IGSF3: variants seen among roughly 807,000 people sequenced by gnomAD.
IGSF3 encodes glu-Trp-Ile EWI motif-containing protein 3.
A neutral mutation model predicts 114.4 loss-of-function variants in IGSF3; 23 were observed. That is an observed-to-expected ratio of 0.20 (90% CI 0.14 to 0.28). The LOEUF is 0.28. Ranked by LOEUF, IGSF3 falls within the 10% of genes least tolerant of loss-of-function variation. The pLI is 1.00. For synonymous variants in IGSF3, 571 were observed against 645.2 expected (o/e 0.88, Z 1.74); for missense variants, 1,172 against 1,591.5 (o/e 0.74, Z 4.48).
chr1:116,587,143 A>C (rs1659882730), intron 8 of IGSF3, among the ~76,000 whole-genome samples: 1 of 152,216 alleles, frequency 6.6e-6, no homozygotes, highest in South Asian at 2.1e-4. Context: ...GCAATAGTGA[A>C]GAAAACCAAG....
chr1:116,613,600 A>G (rs538482754), intron 4 of IGSF3, among the ~76,000 whole-genome samples, 165 bp downstream of exon 4: 17 of 152,344 alleles, frequency 1.1e-4, no homozygotes, highest in African/African-American at 3.8e-4. Context: ...TATGTCCCAC[A>G]CATCCCTCAG....
chr1:116,663,243 C>T (rs114317488), intron 2 of IGSF3, among the ~76,000 whole-genome samples: 200 of 152,304 alleles, frequency 1.3e-3, no homozygotes, highest in African/African-American at 4.5e-3. Context: ...CCTGTTCTTA[C>T]AGACACAAAT....
chr1:116,608,094 C>A lies in IGSF3; in HGVS notation c.1070G>T (p.Ser357Ile). Residue 357 changes from serine to isoleucine, a missense_variant, in exon 5 of 11, where the codon AGT becomes ATT. By Grantham distance (142) the Ser-to-Ile change is moderately radical (BLOSUM62 -2). Around this residue, in one of 3 missense-constraint regions of IGSF3, gnomAD observed 736 missense variants for 1,042.0 expected, o/e 0.71. Transcript: ENST00000369486. ...GTGGTAGATCTTCAGCACAAAGACACTGTCGCTCTCTTTGGCCACCTTAAG... is the reference window on the plus strand; with the variant it reads ...GTGGTAGATCTTCAGCACAAAGACAATGTCGCTCTCTTTGGCCACCTTAAG... ...GQLKVAKESD[S>I]VFVLKIYHLR... is the part of the protein sequence containing the mutation. 2 of 1,613,980 alleles carry A rather than the reference C, an allele frequency of 1.2e-6. No individual in the cohort carries two copies.
chr1:116,591,601 AAG>A (rs1328182381), intron 7 of IGSF3, among the ~76,000 whole-genome samples: 1 of 152,232 alleles, frequency 6.6e-6, no homozygotes, highest in African/African-American at 2.4e-5. Flanking sequence ...AGAAGCTTGA[AAG>A]AGAGGCATTT....
rs527917747 is a variant in IGSF3 at position 116,664,027 on chromosome 1, T to G, written c.43+2257A>C. Among the ~76,000 whole-genome samples, 1 of 151,992 alleles carries G rather than the reference T, an allele frequency of 6.6e-6. No homozygotes were observed. The highest frequency in any genetic ancestry group is 2.4e-5 in the African/African-American group (1 of 41,432). On this transcript the variant is annotated intron_variant, in intron 2 of 10. Transcript: ENST00000369486. This position sits in a 1 kb window ranked among gnomAD's most constrained non-coding sequence, Gnocchi z 4.6. ...GCAGGAAATAAGACCCCAACATGGG[T>G]TTTGCTCCCTCCCCAAACGCCTTCT...
At position 116,628,733 on chromosome 1, in the gene IGSF3, T is replaced by A. The variant is rs1217479563; in HGVS notation, c.44-12276A>T. On this transcript the variant is annotated intron_variant, in intron 2 of 10. Coordinates refer to ENST00000369486, the MANE Select transcript of IGSF3 (RefSeq NM_001007237.3). The surrounding 1 kb of genome is among the most constrained non-coding windows in gnomAD (Gnocchi z 4.2). ...TATGATAATAATGGATGGCCGCTCC[T>A]TCCCCCTCAGCTTTGACTTTCATTG... Among the ~76,000 whole-genome samples, 1 of 152,256 alleles carries A rather than the reference T, an allele frequency of 6.6e-6. No individual in the cohort carries two copies. Among genetic ancestry groups the A allele is most frequent in the Non-Finnish European group, 1.5e-5 (1 of 68,044 alleles).
chr1:116,622,844 T>TTA (rs1661463784), intron 2 of IGSF3, among the ~76,000 whole-genome samples: 1 of 152,218 alleles, frequency 6.6e-6, no homozygotes, highest in African/African-American at 2.4e-5. Flanking sequence ...TGGCTCACAC[T>TTA]AAATGTGCTC....
chr1:116,620,007 C>A (rs919177954), intron 2 of IGSF3, among the ~76,000 whole-genome samples: 1 of 151,512 alleles, frequency 6.6e-6, no homozygotes, highest in African/African-American at 2.4e-5. Flanking sequence ...AGTTTTATAA[C>A]TAGAAAAAAA....
In IGSF3 at chr1:116,595,277, G is replaced by C. The variant is rs549515929; in HGVS notation, c.2029+4664C>G. 9.9e-5 allele frequency among the ~76,000 whole-genome samples: 15 copies of C among 152,250 alleles called. No homozygotes were observed. In the East Asian group the frequency reaches 1.9e-3, roughly 20 times the overall value. On this transcript the variant is annotated intron_variant, in intron 7 of 10. Coordinates refer to ENST00000369486, the MANE Select transcript of IGSF3 (RefSeq NM_001007237.3). This position sits in a 1 kb window ranked among gnomAD's most constrained non-coding sequence, Gnocchi z 4.2. Reference sequence around the variant, plus strand: ...ACAACAGGCCTGAGGGATCTGGGAGGGGCTGAGCTCTCCTCTTAGGGCTCT... The same window carrying C: ...ACAACAGGCCTGAGGGATCTGGGAGCGGCTGAGCTCTCCTCTTAGGGCTCT...
intron 5 of IGSF3, among the ~76,000 whole-genome samples, chr1:116,604,998 T>G (rs1660736144): frequency 6.6e-6 from 1 of 152,222 alleles, no homozygotes; most frequent in Admixed American, 6.5e-5. Flanking sequence ...TGATCATGAT[T>G]AATTTTACTA....
Position 116,577,079 on chromosome 1 carries a change from A to C in IGSF3, c.*233T>G, listed in dbSNP as rs1571106308. On this transcript the variant is annotated 3_prime_UTR_variant, in exon 11 of 11. Coordinates refer to ENST00000369486, the MANE Select transcript of IGSF3 (RefSeq NM_001007237.3). The surrounding 1 kb of genome is among the most constrained non-coding windows in gnomAD (Gnocchi z 5.7). ...CACTACATTACTAAAAACAGAAACA[A>C]GAAATCTATAATGGCAGGATCACAA... The C allele has an allele frequency of 1.9e-6, 1 of 532,592 alleles. No homozygotes were observed. The highest frequency in any genetic ancestry group is 3.4e-5 in the Admixed American group (1 of 29,782). 33.0% of individuals were successfully genotyped at this position (532,592 alleles called of 1,614,324 possible). A position where few individuals can be genotyped will look rare whatever the true frequency, so the allele number is the denominator to read the frequency against.
In IGSF3 at chr1:116,576,036, TGAGAGGCAGG is replaced by T. The variant is rs1659327082; in HGVS notation, c.*1266_*1275del. ...CCCCAGGCTGATATTCTTATGGCAG[TGAGAGGCAGG>T]GAGAGAAAAATGAATAAGGAAGACA... On this transcript the variant is annotated 3_prime_UTR_variant, in exon 11 of 11. Coordinates refer to ENST00000369486, the MANE Select transcript of IGSF3 (RefSeq NM_001007237.3). The surrounding 1 kb of genome is among the most constrained non-coding windows in gnomAD (Gnocchi z 4.6). 2 of 152,176 alleles carry T rather than the reference TGAGAGGCAGG, an allele frequency of 1.3e-5. No individual in the cohort carries two copies. Among genetic ancestry groups the T allele is most frequent in the Admixed American group, 6.5e-5 (1 of 15,272 alleles). The allele number at this position is 152,176 out of a possible 1,614,324, so 9.4% of individuals were successfully genotyped here.
At position 116,577,504 on chromosome 1, in the gene IGSF3, G is replaced by A. The variant is rs942443277; in HGVS notation, c.3393C>T (p.Phe1131=). The A allele has an allele frequency of 1.9e-6, 3 of 1,614,160 alleles. No individual in the cohort carries two copies. Among genetic ancestry groups the A allele is most frequent in the Admixed American group, 3.3e-5 (2 of 60,020 alleles). ...GAATGCCAAAGATGGGGAAAGGGTA[G>A]AAGAAGACGAAGTAGAAGAGTGCGT... ...SNDALFYFVF[F]YPFPIFGILI... Residue 1131 remains phenylalanine, a synonymous_variant, in exon 11 of 11, where the codon TTC becomes TTT. Transcript: ENST00000369486. This position sits in a 1 kb window ranked among gnomAD's most constrained non-coding sequence, Gnocchi z 5.7.
chr1:116,644,517 G>A lies in IGSF3; in HGVS notation c.43+21767C>T, dbSNP rs1355236146. The stretch of plus-strand genomic sequence containing the variant: ...CACCTCTAACTCCATCTCTGGCCAG[G>A]AGCCAGCATAGTAGGTGCCGTGAAA... On this transcript the variant is annotated intron_variant, in intron 2 of 10. Transcript: ENST00000369486. The surrounding 1 kb of genome is among the most constrained non-coding windows in gnomAD (Gnocchi z 5.6). Among the ~76,000 whole-genome samples the A allele has an allele frequency of 6.6e-6, 1 of 152,194 alleles. No homozygotes were observed.
rs1661506409 is a variant in IGSF3, at chr1:116,624,202, T to G, written c.44-7745A>C. On this transcript the variant is annotated intron_variant, in intron 2 of 10. Coordinates refer to ENST00000369486, the MANE Select transcript of IGSF3 (RefSeq NM_001007237.3). This position sits in a 1 kb window ranked among gnomAD's most constrained non-coding sequence, Gnocchi z 4.9. The stretch of plus-strand genomic sequence containing the variant: ...CTGGGTGACAGAGCGAGATCTTGTC[T>G]CAAAAAAAAAAAAAAAATGGCTCTT... Among the ~76,000 whole-genome samples the G allele has an allele frequency of 6.9e-6, 1 of 144,944 alleles. No homozygotes were observed. The highest frequency in any genetic ancestry group is 6.9e-5 in the Admixed American group (1 of 14,566).
chr1:116,639,793 G>C (rs1443289368), intron 2 of IGSF3, among the ~76,000 whole-genome samples: 4 of 152,038 alleles, frequency 2.6e-5, no homozygotes, highest in Admixed American at 1.3e-4. Flanking sequence ...ACTTTCTTTG[G>C]GAGGCCAAGT....
At position 116,577,332 on chromosome 1, in the gene IGSF3, G is replaced by A; in HGVS notation, c.3565C>T (p.His1189Tyr). The A allele has an allele frequency of 6.2e-7, 1 of 1,613,972 alleles. No homozygotes were observed. Among genetic ancestry groups the A allele is most frequent in the Non-Finnish European group, 8.5e-7 (1 of 1,180,008 alleles). ...CCCGCTTAGTCTATGGCCCCTGGAT[G>A]GATACTGAGAACAGGGGGCTCCAGG... Reference protein sequence around the residue: ...TCLEPPVLSIHPGAID With the variant: ...TCLEPPVLSIYPGAID The change falls in exon 11 of 11, where the codon CAT (histidine) becomes TAT (tyrosine). Residue 1189 changes from histidine to tyrosine, a missense_variant. His to Tyr is a moderately conservative substitution (Grantham distance 83). Transcript: ENST00000369486. This position sits in a 1 kb window ranked among gnomAD's most constrained non-coding sequence, Gnocchi z 5.7.
At chr1:116,608,779 T>C (rs544268452) in intron 4 of IGSF3, among the ~76,000 whole-genome samples, 2 of 152,188 alleles carry the variant, frequency 1.3e-5, no homozygotes, top group Admixed American at 1.3e-4. Flanking sequence ...CTGAGGTCTG[T>C]GGGAAAAAAT....
chr1:116,602,496 T>G (rs1377723702), intron 6 of IGSF3, among the ~76,000 whole-genome samples: 1 of 152,214 alleles, frequency 6.6e-6, no homozygotes, highest in Non-Finnish European at 1.5e-5. Flanking sequence ...TGGAGGAAGT[T>G]TCTAAGACAG....
Sources: gnomAD v4.1 joint callset for allele counts (sites outside exome capture counted in the v4.1 genomes callset) on GRCh38, gnomAD v4.1.1 for gene constraint, gnomAD v4.1.1 regional missense constraint, Gnocchi (gnomAD v3.1) non-coding constraint, MANE v1.5 for transcripts, NCBI Gene and HGNC (gene_info 2026-07-23, HGNC 2026-07-21) for gene names.